ROBO2: variants seen among roughly 807,000 people sequenced by gnomAD.
ROBO2 encodes the protein roundabout homolog 2.
In ROBO2, 53 loss-of-function variants were observed where a neutral mutation model predicts 160.8. The ratio of observed to expected loss-of-function variants is 0.33; its 90% CI spans 0.26 to 0.41. The LOEUF (loss-of-function observed/expected upper bound fraction) is 0.41. ROBO2 is among the 10% of genes least tolerant of loss of function. The pLI, the probability that ROBO2 is intolerant of heterozygous loss-of-function variation, is 1.00. For synonymous variants in ROBO2, 664 were observed against 611.7 expected (o/e 1.09, Z -1.26); for missense variants, 1,577 against 1,722.4 (o/e 0.92, Z 1.49).
At chr3:76,990,184 G>T (rs1477657517) in intron 2 of ROBO2, among the ~76,000 whole-genome samples, 1 of 152,094 alleles carries the variant, frequency 6.6e-6, no homozygotes, top group African/African-American at 2.4e-5. Flanking sequence ...GATTCATCAC[G>T]ATGTATTTTC....
intron 2 of ROBO2, among the ~76,000 whole-genome samples, chr3:76,698,993 TA>T (rs1423168840): frequency 1.3e-5 from 2 of 152,186 alleles, no homozygotes; most frequent in Non-Finnish European, 2.9e-5. Context: ...TAGTAAAAAT[TA>T]AAGAAATAAG....
intron 2 of ROBO2, among the ~76,000 whole-genome samples, chr3:76,729,628 T>C (rs1336208664): frequency 7.1e-6 from 1 of 141,546 alleles, no homozygotes; most frequent in Admixed American, 7.0e-5. Context: ...TTCTTTTCTG[T>C]CTCTCTCTCT....
chr3:76,698,212 G>A (rs1005018680), intron 2 of ROBO2, among the ~76,000 whole-genome samples: 3 of 152,194 alleles, frequency 2.0e-5, no homozygotes, highest in African/African-American at 7.2e-5. Context: ...CAGTGAGAAT[G>A]GAGGCAGGAA....
chr3:77,168,750 A>C (rs1169455105), intron 2 of ROBO2, among the ~76,000 whole-genome samples: 2 of 152,180 alleles, frequency 1.3e-5, no homozygotes, highest in Non-Finnish European at 2.9e-5. Flanking sequence ...TCGAAGGAAC[A>C]TGTTGGTCCA....
At chr3:76,187,098 A>T (rs983106769) in intron 2 of ROBO2, among the ~76,000 whole-genome samples, 2 of 151,896 alleles carry the variant, frequency 1.3e-5, no homozygotes, top group African/African-American at 4.8e-5. Context: ...TTTCTTGGAT[A>T]TAAACATTGT....
rs779487034 is a variant in ROBO2 at position 77,558,108 on chromosome 3, A to G, written c.1396A>G (p.Thr466Ala). ...TTTTCCGGGTAGAGATCCAAGAGCA[A>G]CAATTCAAGAGCAAGGCACACTGCA... The change falls in exon 9 of 26, where the codon ACA (threonine) becomes GCA (alanine). Residue 466 changes from threonine (T) to alanine (A), a missense_variant. Transcript: ENST00000461745. 8 of 1,613,196 alleles carry G rather than the reference A, an allele frequency of 5.0e-6. No homozygotes were observed. In the East Asian group the frequency reaches 1.1e-4, roughly 22 times the overall value.
At chr3:76,996,286 G>C (rs2061000125) in intron 2 of ROBO2, among the ~76,000 whole-genome samples, 1 of 151,996 alleles carries the variant, frequency 6.6e-6, no homozygotes, top group Non-Finnish European at 1.5e-5. Flanking sequence ...ATTTCTGAGG[G>C]CTCTGTTCTG....
chr3:75,986,431 A>G (rs889816766), intron 2 of ROBO2, among the ~76,000 whole-genome samples: 1 of 150,476 alleles, frequency 6.6e-6, no homozygotes, highest in Non-Finnish European at 1.5e-5. Context: ...AAAATTCCCT[A>G]TCTATTCTGG....
chr3:76,176,853 C>T (rs1001913331), intron 2 of ROBO2, among the ~76,000 whole-genome samples: 6 of 151,908 alleles, frequency 3.9e-5, no homozygotes, highest in African/African-American at 7.3e-5. Context: ...ATGTCATTTC[C>T]GTTTTATAGT....
chr3:76,443,361 A>T (rs62263792), intron 2 of ROBO2, among the ~76,000 whole-genome samples: 10,025 of 152,094 alleles, frequency 0.066, 378 homozygotes, highest in African/African-American at 0.11. Flanking sequence ...AAACACAGTG[A>T]ATACAGGATT....
chr3:76,683,917 A>T (rs758417543), intron 2 of ROBO2, among the ~76,000 whole-genome samples: 2 of 152,104 alleles, frequency 1.3e-5, no homozygotes, highest in African/African-American at 2.4e-5. Context: ...TAAAAAGTTT[A>T]TATTTTTTTC....
At chr3:77,182,638 T>A (rs979734287) in intron 2 of ROBO2, among the ~76,000 whole-genome samples, 1 of 152,042 alleles carries the variant, frequency 6.6e-6, no homozygotes, top group Admixed American at 6.6e-5. Flanking sequence ...AACTTAGACC[T>A]AGCAGGCCTA....
chr3:76,993,521 G>T (rs1217120387), intron 2 of ROBO2, among the ~76,000 whole-genome samples: 1 of 151,992 alleles, frequency 6.6e-6, no homozygotes, highest in African/African-American at 2.4e-5. Flanking sequence ...AGATTGGTTT[G>T]GTTAATGGCC....
chr3:76,807,179 C>T (rs1389814543), intron 2 of ROBO2, among the ~76,000 whole-genome samples: 1 of 151,964 alleles, frequency 6.6e-6, no homozygotes, highest in Non-Finnish European at 1.5e-5. Context: ...TAGAATAATA[C>T]ATCTGAGTTC....
At chr3:77,586,838 TATA>T (rs1288481322) in intron 16 of ROBO2, among the ~76,000 whole-genome samples, 1 of 148,290 alleles carries the variant, frequency 6.7e-6, no homozygotes, top group African/African-American at 2.4e-5. Flanking sequence ...TAATTATATG[TATA>T]ATAATATATA....
intron 3 of ROBO2, among the ~76,000 whole-genome samples, chr3:77,479,934 A>C (rs1487909019): frequency 2.0e-5 from 3 of 152,108 alleles, no homozygotes; most frequent in African/African-American, 7.2e-5. Context: ...AATGTACAAG[A>C]ACCTTTCTTC....
intron 2 of ROBO2, among the ~76,000 whole-genome samples, chr3:77,329,425 G>A (rs914617523): frequency 5.9e-5 from 9 of 152,172 alleles, no homozygotes; most frequent in African/African-American, 2.2e-4. Flanking sequence ...TTGTTCTAGT[G>A]TTTAGGCTAA....
In ROBO2 at chr3:76,466,090, T is replaced by A. The variant is rs565508417; in HGVS notation, c.109+528488T>A. Among the ~76,000 whole-genome samples the A allele has an allele frequency of 2.0e-5, 3 of 151,924 alleles. No individual in the cohort carries two copies. In the East Asian group the frequency reaches 5.8e-4, roughly 29 times the overall value. On this transcript the variant is annotated intron_variant, in intron 2 of 26. Coordinates refer to the ROBO2 transcript ENST00000487694. ...ACTTCATGTATAAAATGTACATAAT[T>A]TTTTAAATTCTTGCAACAAAGTACC...
Position 77,251,676 on chromosome 3 carries a change from G to A in ROBO2, c.388+153336G>A, listed in dbSNP as rs145813769. Among the ~76,000 whole-genome samples the A allele has an allele frequency of 3.3e-3, 507 of 152,204 alleles. 3 individuals carry two copies. The highest frequency in any genetic ancestry group is 0.011 in the African/African-American group (461 of 41,524). ...CATAATTGTTGTTAGGAGGGACCTA[G>A]GGGGAGATGATTGAATCACGGGGGC... On this transcript the variant is annotated intron_variant, in intron 2 of 25. Transcript: ENST00000461745.
Sources: gnomAD v4.1 joint callset for allele counts (sites outside exome capture counted in the v4.1 genomes callset) on GRCh38, gnomAD v4.1.1 for gene constraint, MANE v1.5 for transcripts, NCBI Gene and HGNC (gene_info 2026-07-23, HGNC 2026-07-21) for gene names.